EPHB1: variants seen among roughly 807,000 people sequenced by gnomAD.
EPHB1 encodes EPH receptor B1.
In EPHB1, 30 loss-of-function variants were observed where a neutral mutation model predicts 94.4. That is an observed-to-expected ratio of 0.32 (90% CI 0.24 to 0.43). The LOEUF (loss-of-function observed/expected upper bound fraction) is 0.43. Ranked by LOEUF, EPHB1 falls within the 20% of genes least tolerant of loss-of-function variation. EPHB1 has a pLI of 1.00. For synonymous variants in EPHB1, 522 were observed against 489.1 expected, an observed-to-expected ratio of 1.07 and a Z score of -0.89; for missense variants, 1,055 against 1,308.3, an observed-to-expected ratio of 0.81 and a Z score of 2.99.
At chr3:134,922,981 C>T (rs2038718363) in intron 1 of EPHB1, among the ~76,000 whole-genome samples, 1 of 152,172 alleles carries the variant, frequency 6.6e-6, no homozygotes, top group Non-Finnish European at 1.5e-5. Context: ...TTCTACAGAG[C>T]CTCATGGAGT....
At chr3:134,975,597 C>T (rs966526612) in intron 3 of EPHB1, among the ~76,000 whole-genome samples, 19 of 152,132 alleles carry the variant, frequency 1.2e-4, no homozygotes, top group Non-Finnish European at 1.9e-4. Context: ...TGGTCCTGTA[C>T]TGAGGGCTTT....
chr3:135,217,896 G>A (rs1337096182), intron 12 of EPHB1, among the ~76,000 whole-genome samples: 2 of 152,130 alleles, frequency 1.3e-5, no homozygotes, highest in Non-Finnish European at 2.9e-5. Context: ...TTTTGGCTAA[G>A]GCTATGACCT....
intron 3 of EPHB1, among the ~76,000 whole-genome samples, chr3:135,071,387 C>T (rs917501406): frequency 1.8e-4 from 28 of 152,248 alleles, no homozygotes; most frequent in African/African-American, 6.5e-4. Context: ...AGATCATTTC[C>T]AGCTAATGTG....
At chr3:134,891,112 T>G (rs1194686878) in intron 1 of EPHB1, among the ~76,000 whole-genome samples, 1 of 152,222 alleles carries the variant, frequency 6.6e-6, no homozygotes. Context: ...ATCTTGTTCT[T>G]ATATTTTTTT....
At chr3:135,011,278 A>G (rs970959751) in intron 3 of EPHB1, among the ~76,000 whole-genome samples, 1 of 152,098 alleles carries the variant, frequency 6.6e-6, no homozygotes, top group African/African-American at 2.4e-5. Context: ...CTTTTAGGTC[A>G]TTTGATTTTT....
chr3:134,857,005 C>T (rs1354546174), intron 1 of EPHB1, among the ~76,000 whole-genome samples: 2 of 152,200 alleles, frequency 1.3e-5, no homozygotes, highest in African/African-American at 4.8e-5. Flanking sequence ...GGAATGTATC[C>T]TTCCAGAGGC....
chr3:135,002,039 T>C (rs574229215), intron 3 of EPHB1, among the ~76,000 whole-genome samples: 1 of 152,312 alleles, frequency 6.6e-6, no homozygotes, highest in South Asian at 2.1e-4. Context: ...CATCAAGAGA[T>C]GAATCGATAA....
chr3:134,983,175 T>A (rs1338258957), intron 3 of EPHB1, among the ~76,000 whole-genome samples: 1 of 152,180 alleles, frequency 6.6e-6, no homozygotes, highest in Non-Finnish European at 1.5e-5. Context: ...GTCAAATTGC[T>A]TTGTCTGTGT....
intron 1 of EPHB1, among the ~76,000 whole-genome samples, chr3:134,846,557 CGGT>C (rs1195151235): frequency 6.6e-6 from 1 of 152,158 alleles, no homozygotes; most frequent in Non-Finnish European, 1.5e-5. Context: ...GATGCCTGTT[CGGT>C]GGTAAAATGG....
intron 5 of EPHB1, among the ~76,000 whole-genome samples, chr3:135,150,208 C>T (rs1252244454): frequency 6.6e-6 from 1 of 152,232 alleles, no homozygotes; most frequent in Non-Finnish European, 1.5e-5. Context: ...GCTCTCAAGA[C>T]AGAGGGACTC....
chr3:134,865,435 A>T (rs1005097863), intron 1 of EPHB1, among the ~76,000 whole-genome samples: 4 of 152,168 alleles, frequency 2.6e-5, no homozygotes, highest in African/African-American at 9.7e-5. Context: ...GGCAATATCT[A>T]TCAAATTTAC....
At chr3:135,051,607 T>A (rs1937169744) in intron 3 of EPHB1, among the ~76,000 whole-genome samples, 1 of 152,244 alleles carries the variant, frequency 6.6e-6, no homozygotes, top group African/African-American at 2.4e-5. Context: ...GAGAGCAACA[T>A]GCTGAAAAGA....
chr3:134,843,988 A>G (rs1269313602), intron 1 of EPHB1, among the ~76,000 whole-genome samples: 1 of 152,140 alleles, frequency 6.6e-6, no homozygotes, highest in Non-Finnish European at 1.5e-5. Flanking sequence ...AAAATGGGAC[A>G]TTTTAGATAA....
intron 5 of EPHB1, among the ~76,000 whole-genome samples, chr3:135,138,382 A>T (rs576052578): frequency 6.6e-6 from 1 of 152,258 alleles, no homozygotes; most frequent in Non-Finnish European, 1.5e-5. Flanking sequence ...CTCTGAATAC[A>T]TCACCTAATT....
intron 13 of EPHB1, among the ~76,000 whole-genome samples, chr3:135,241,727 C>T (rs578168535): frequency 7.9e-5 from 12 of 152,342 alleles, no homozygotes; most frequent in South Asian, 2.1e-4. Context: ...CTGCCTCTGA[C>T]GGCTATGCTC....
chr3:134,935,024 C>T (rs781534595), intron 2 of EPHB1, among the ~76,000 whole-genome samples: 1 of 152,188 alleles, frequency 6.6e-6, no homozygotes, highest in Admixed American at 6.5e-5. Context: ...CCCCTTGTCC[C>T]AGTCTTGGAA....
chr3:135,110,359 C>G (rs963492468), intron 4 of EPHB1, among the ~76,000 whole-genome samples: 1 of 152,082 alleles, frequency 6.6e-6, no homozygotes, highest in Non-Finnish European at 1.5e-5. Context: ...ACCAGCCGAC[C>G]CCTTAGATGA....
At chr3:134,795,947 G>A (rs972640778) in intron 1 of EPHB1, among the ~76,000 whole-genome samples, 2 of 152,236 alleles carry the variant, frequency 1.3e-5, no homozygotes, top group African/African-American at 4.8e-5. Context: ...CTCCCTGGTA[G>A]CCTCGGTCTC....
At chr3:135,167,369 C>T (rs1006320377) in intron 9 of EPHB1, among the ~76,000 whole-genome samples, 3 of 152,170 alleles carry the variant, frequency 2.0e-5, no homozygotes, top group Non-Finnish European at 4.4e-5. Context: ...CTTATCTTAT[C>T]CAATTGAGCA....
Sources: allele counts gnomAD v4.1 joint callset (sites outside exome capture counted in the v4.1 genomes callset), GRCh38; gene constraint gnomAD v4.1.1; transcripts MANE v1.5; gene names NCBI Gene and HGNC (gene_info 2026-07-23, HGNC 2026-07-21).